Variants in HDAC8 observed in about 807,000 individuals in gnomAD.
The protein encoded by HDAC8 is histone deacetylase-like 1.
In HDAC8, 1 loss-of-function variant was observed where a neutral mutation model predicts 32.2. That is an observed-to-expected ratio of 0.03 (90% CI 0.01 to 0.15). HDAC8 has a LOEUF of 0.15. HDAC8 is among the 10% of genes least tolerant of loss of function. HDAC8 has a pLI of 1.00. For missense variants in HDAC8, 117 were observed against 300.0 expected, an observed-to-expected ratio of 0.39 and a Z score of 4.51; for synonymous variants, 108 against 113.9, an observed-to-expected ratio of 0.95 and a Z score of 0.33.
intron 9 of HDAC8, among the ~76,000 whole-genome samples, chrX:72,387,420 GT>G (rs2045469490): frequency 8.9e-6 from 1 of 112,159 alleles, no homozygotes; most frequent in African/African-American, 3.2e-5. Context: ...ATAGCCTCTG[GT>G]TTTAGTAGAG....
At chrX:72,405,455 T>C (rs1376477333) in intron 9 of HDAC8, among the ~76,000 whole-genome samples, 3 of 112,503 alleles carry the variant, frequency 2.7e-5, no homozygotes, top group Non-Finnish European at 5.6e-5. Context: ...CCTAGAATGA[T>C]TTACATTCCT....
At chrX:72,538,737 C>G (rs1353570677) in intron 4 of HDAC8, among the ~76,000 whole-genome samples, 9 of 111,434 alleles carry the variant, frequency 8.1e-5, no homozygotes, top group African/African-American at 2.9e-4. Context: ...AGACACTTGC[C>G]CTCCTCTAGC....
At chrX:72,492,064 A>G (rs1158395055) in intron 5 of HDAC8, among the ~76,000 whole-genome samples, 2 of 112,052 alleles carry the variant, frequency 1.8e-5, no homozygotes, top group African/African-American at 6.5e-5. Flanking sequence ...AAATCCAGTT[A>G]AAGGCTCTAA....
At chrX:72,436,998 G>T (rs1488282822) in intron 9 of HDAC8, among the ~76,000 whole-genome samples, 2 of 112,081 alleles carry the variant, frequency 1.8e-5, no homozygotes, top group African/African-American at 6.5e-5. Context: ...AAATGCCCAA[G>T]TAACCCACAT....
At chrX:72,462,468 T>C (rs1267667006) in intron 8 of HDAC8, 1 of 127,173 alleles carries the variant, frequency 7.9e-6, no homozygotes, top group African/African-American at 3.2e-5. Flanking sequence ...ATTTCTGTGA[T>C]GAATTTTGCA....
chrX:72,532,477 T>TA (rs1316529930), intron 4 of HDAC8, among the ~76,000 whole-genome samples: 2 of 104,805 alleles, frequency 1.9e-5, no homozygotes, highest in Non-Finnish European at 3.9e-5. Context: ...TAGTGTCTTT[T>TA]TTTTTTTTTT....
chrX:72,568,932 C>A (rs376368359), intron 2 of HDAC8, 48 bp from the exon 3 acceptor site: 1 of 1,151,203 alleles, frequency 8.7e-7, no homozygotes, highest in Non-Finnish European at 1.2e-6. Flanking sequence ...TCAGACCCAG[C>A]GTATGCCAGA....
rs782437296 is a variant in HDAC8, at chrX:72,571,992, G to A, written c.164+65C>T. ...AGACCATTCTTTTCCTTGCCCCACT[G>A]TGAAGCAGGATATTAAGGCTACGAA... On this transcript the variant is annotated intron_variant, in intron 2 of 10. Transcript: ENST00000373573. 94 of 940,748 alleles carry A rather than the reference G, an allele frequency of 1.0e-4. No homozygotes were observed. In the African/African-American group the frequency reaches 1.6e-3, roughly 16 times the overall value. The allele number at this position is 940,748 out of a possible 1,213,427, so 77.5% of individuals were successfully genotyped here.
intron 9 of HDAC8, among the ~76,000 whole-genome samples, chrX:72,378,225 T>C (rs2045148095): frequency 9.0e-6 from 1 of 111,424 alleles, no homozygotes. Context: ...TGGGCCTAGT[T>C]GGAGTTGTTT....
At chrX:72,411,517 G>A (rs182282230) in intron 9 of HDAC8, among the ~76,000 whole-genome samples, 2 of 111,817 alleles carry the variant, frequency 1.8e-5, no homozygotes, top group Non-Finnish European at 3.8e-5. Context: ...TGTGTTTAGT[G>A]TTACTCTCCA....
At chrX:72,423,253 T>G (rs1196857810) in intron 9 of HDAC8, among the ~76,000 whole-genome samples, 1 of 111,595 alleles carries the variant, frequency 9.0e-6, no homozygotes, top group Non-Finnish European at 1.9e-5. Context: ...AGTAGTTTAA[T>G]AACATGCACA....
intron 4 of HDAC8, among the ~76,000 whole-genome samples, chrX:72,551,884 T>A (rs1259260627): frequency 8.9e-6 from 1 of 112,182 alleles, no homozygotes; most frequent in African/African-American, 3.2e-5. Context: ...TACTTGTGGT[T>A]CTACAAATGT....
chrX:72,354,789 T>C (rs904696242), intron 9 of HDAC8, among the ~76,000 whole-genome samples: 10 of 112,412 alleles, frequency 8.9e-5, no homozygotes, highest in Non-Finnish European at 1.7e-4. Context: ...GTAAGCTTTT[T>C]AATCTCTGTT....
chrX:72,450,731 T>C (rs916487700), intron 9 of HDAC8, among the ~76,000 whole-genome samples: 2 of 110,408 alleles, frequency 1.8e-5, no homozygotes, highest in African/African-American at 6.6e-5. Flanking sequence ...AGAAAAAAAC[T>C]GAAAAAAATA....
intron 4 of HDAC8, among the ~76,000 whole-genome samples, chrX:72,514,049 T>C (rs2147341522): frequency 8.9e-6 from 1 of 112,480 alleles, no homozygotes; most frequent in African/African-American, 3.2e-5. Flanking sequence ...ATGACTTGAA[T>C]CAGTTGGCAA....
At chrX:72,476,177 G>A (rs1242675769) in intron 7 of HDAC8, among the ~76,000 whole-genome samples, 1 of 111,100 alleles carries the variant, frequency 9.0e-6, no homozygotes, top group Non-Finnish European at 1.9e-5. Flanking sequence ...CCAGTGGCCT[G>A]AAGTGAATCG....
intron 7 of HDAC8, among the ~76,000 whole-genome samples, chrX:72,482,523 C>T (rs1313370625): frequency 9.0e-6 from 1 of 111,476 alleles, no homozygotes; most frequent in East Asian, 2.8e-4. Context: ...ATCTAAGTTG[C>T]ACTTACACAA....
chrX:72,515,782 A>G (rs1002581189), intron 4 of HDAC8, among the ~76,000 whole-genome samples: 1 of 111,946 alleles, frequency 8.9e-6, no homozygotes, highest in African/African-American at 3.2e-5. Context: ...ATTTAAATAG[A>G]GACCCAAAAG....
chrX:72,529,599 A>G (rs1265824550), intron 4 of HDAC8, among the ~76,000 whole-genome samples: 1 of 112,591 alleles, frequency 8.9e-6, no homozygotes, highest in Non-Finnish European at 1.9e-5. Context: ...GAACTGTAAG[A>G]TAATAAGTTC....
Sources: gnomAD v4.1 joint callset for allele counts (sites outside exome capture counted in the v4.1 genomes callset) on GRCh38, gnomAD v4.1.1 for gene constraint, MANE v1.5 for transcripts, NCBI Gene and HGNC (gene_info 2026-07-23, HGNC 2026-07-21) for gene names.